Variants in LRRIQ4 observed in about 807,000 individuals in gnomAD.
LRRIQ4 encodes the protein leucine rich repeats and IQ motif containing 4, also known as leucine-rich repeat and IQ domain-containing protein 4.
In LRRIQ4, 21 loss-of-function variants were observed where a neutral mutation model predicts 40.1. The observed-to-expected ratio is 0.52, with a 90% CI of 0.37 to 0.75. The LOEUF is 0.75. Ranked by LOEUF, LRRIQ4 falls within the 30% of genes least tolerant of loss-of-function variation. The probability of loss-of-function intolerance (pLI) is 0.00; values close to 1 mark genes in which losing one functional copy is unlikely to be tolerated. For synonymous variants in LRRIQ4, 277 were observed against 277.1 expected, an observed-to-expected ratio of 1.00 and a Z score of 0.00; for missense variants, 655 against 660.0, an observed-to-expected ratio of 0.99 and a Z score of 0.08.
At chr3:169,836,832 C>G (rs1489791650) in intron 5 of LRRIQ4, among the ~76,000 whole-genome samples, 2 of 152,068 alleles carry the variant, frequency 1.3e-5, no homozygotes, top group Non-Finnish European at 2.9e-5. Flanking sequence ...GGAGGAGGCC[C>G]GCATGGCTGG....
At chr3:169,835,881 G>A (rs1456886956) in intron 5 of LRRIQ4, among the ~76,000 whole-genome samples, 1 of 152,142 alleles carries the variant, frequency 6.6e-6, no homozygotes, top group Non-Finnish European at 1.5e-5. Flanking sequence ...CCCCAGATAT[G>A]AGCAAGATTC....
intron 1 of LRRIQ4, among the ~76,000 whole-genome samples, chr3:169,813,948 C>G (rs776880173): frequency 1.3e-5 from 2 of 152,086 alleles, no homozygotes; most frequent in Admixed American, 6.5e-5. Flanking sequence ...CTCACCGCAG[C>G]GTCTAGGGGT....
At chr3:169,827,697 G>A (rs1321808764) in intron 2 of LRRIQ4, among the ~76,000 whole-genome samples, 3 of 151,784 alleles carry the variant, frequency 2.0e-5, no homozygotes, top group African/African-American at 7.3e-5. Context: ...TAATGGTGAA[G>A]CTGATTTTGG....
chr3:169,814,332 C>T (rs1002075731), intron 1 of LRRIQ4, among the ~76,000 whole-genome samples: 4 of 152,170 alleles, frequency 2.6e-5, no homozygotes, highest in African/African-American at 4.8e-5. Flanking sequence ...TGCTGCTTGT[C>T]GGTGACCTGG....
chr3:169,837,564 C>T lies in LRRIQ4; in HGVS notation c.1616C>T (p.Thr539Ile). 1 of 1,602,246 alleles carries T rather than the reference C, an allele frequency of 6.2e-7. No homozygotes were observed. The highest frequency in any genetic ancestry group is 8.5e-7 in the Non-Finnish European group (1 of 1,174,540). The change falls in exon 6 of 6, where the codon ACC becomes ATC. Residue 539 changes from threonine (T) to isoleucine (I), a missense_variant. By Grantham distance (89) the Thr-to-Ile change is moderately conservative (BLOSUM62 -1). Coordinates refer to ENST00000340806, the MANE Select transcript of LRRIQ4 (RefSeq NM_001080460.3). Reference sequence around the variant, plus strand: ...CTAAAACCACAAAAGAAAGGAAAGACCTCTCCAAAAGATAAGAAAGGAAAG... The same window carrying T: ...CTAAAACCACAAAAGAAAGGAAAGATCTCTCCAAAAGATAAGAAAGGAAAG... Reference protein sequence around the residue: ...ELLKPQKKGKTSPKDKKGKKD... With the variant: ...ELLKPQKKGKISPKDKKGKKD...
At position 169,823,704 on chromosome 3, in the gene LRRIQ4, G is replaced by A. The variant is rs375327104; in HGVS notation, c.1020+763G>A. On this transcript the variant is annotated intron_variant, in intron 2 of 5. Coordinates refer to ENST00000340806, the MANE Select transcript of LRRIQ4 (RefSeq NM_001080460.3). ...GACAGAGTTTCCGTTAACAGCAGATGTTTCTAATACACAACAGCCTTAGAA... is the reference window on the plus strand; with the variant it reads ...GACAGAGTTTCCGTTAACAGCAGATATTTCTAATACACAACAGCCTTAGAA... Among the ~76,000 whole-genome samples the A allele has an allele frequency of 5.3e-5, 8 of 152,294 alleles. No homozygotes were observed. In the East Asian group the frequency reaches 1.2e-3, roughly 22 times the overall value.
At position 169,822,915 on chromosome 3, in the gene LRRIQ4, G is replaced by T. The variant is rs1779947361; in HGVS notation, c.994G>T (p.Gly332Ter). ...TGCACTGAAGAACCTTGAAGTCCTGGGACTGGATGACAATAAAATAGGACA... is the reference window on the plus strand; with the variant it reads ...TGCACTGAAGAACCTTGAAGTCCTGTGACTGGATGACAATAAAATAGGACA... ...ICALKNLEVL[G>*]LDDNKIGQLP... The change falls in exon 2 of 6, where the codon GGA becomes TGA. Residue 332 changes from glycine to a stop codon, truncating the protein, a stop_gained. Coordinates refer to ENST00000340806, the MANE Select transcript of LRRIQ4 (RefSeq NM_001080460.3). LOFTEE classifies it high-confidence loss of function. 1 of 1,547,186 alleles carries T rather than the reference G, an allele frequency of 6.5e-7. No homozygotes were observed. Among genetic ancestry groups the T allele is most frequent in the African/African-American group, 1.4e-5 (1 of 72,502 alleles).
In LRRIQ4 at chr3:169,822,305, C is replaced by T. The variant is rs1217636845; in HGVS notation, c.384C>T (p.Thr128=). ...TGCGCGAGCTCCGGCTCTACCAGAC[C>T]GACCTGAAGGAAATTCCCGTCGTCA... is the stretch of plus-strand genomic sequence containing the variant. ...HALRELRLYQ[T]DLKEIPVVIF... The change falls in exon 2 of 6, where the codon ACC becomes ACT. Residue 128 remains threonine (T), a synonymous_variant. Coordinates refer to ENST00000340806, the MANE Select transcript of LRRIQ4 (RefSeq NM_001080460.3). 5.0e-6 allele frequency: 8 copies of T among 1,613,900 alleles called. No individual in the cohort carries two copies. In the South Asian group the frequency reaches 5.5e-5, roughly 11 times the overall value.
chr3:169,830,383 A>G (rs1409960445), intron 3 of LRRIQ4, 109 bp from the exon 4 acceptor site: 1 of 277,100 alleles, frequency 3.6e-6, no homozygotes, highest in Non-Finnish European at 5.4e-6. Flanking sequence ...AAGTGAAAAA[A>G]AAAAAAAAAA....
rs551262892 is a variant in LRRIQ4 at position 169,825,228 on chromosome 3, A to C, written c.1020+2287A>C. Among the ~76,000 whole-genome samples, 5 of 152,180 alleles carry C rather than the reference A, an allele frequency of 3.3e-5. No individual in the cohort carries two copies. The East Asian group carries it at 9.7e-4, about 29-fold the overall frequency. On this transcript the variant is annotated intron_variant, in intron 2 of 5. Coordinates refer to ENST00000340806, the MANE Select transcript of LRRIQ4 (RefSeq NM_001080460.3). ...TCACCATATTGGCCAGGCTGGTCTC[A>C]AACTCCTGACCTCATGATCTGCCCA...
rs545123014 is a variant in LRRIQ4, at chr3:169,821,475, T to TA, written c.-31-415dup. Among the ~76,000 whole-genome samples, 903 of 137,474 alleles carry TA rather than the reference T, an allele frequency of 6.6e-3. 10 individuals carry two copies. Among genetic ancestry groups the TA allele is most frequent in the Middle Eastern group, 0.025 (7 of 280 alleles). 90.2% of individuals were successfully genotyped at this position (137,474 alleles called of 152,430 possible). ...GGTGAAACCCCGTCTCTACTAAAAT[T>TA]ACAAAAAAATTTAGCTGGGCATGGT... On this transcript the variant is annotated intron_variant, in intron 1 of 5. Transcript: ENST00000340806.
chr3:169,828,436 G>T (rs939366922), intron 2 of LRRIQ4, among the ~76,000 whole-genome samples: 1 of 152,204 alleles, frequency 6.6e-6, no homozygotes, highest in African/African-American at 2.4e-5. Context: ...GTTTCGCCAT[G>T]TTGGCCAGGC....
intron 3 of LRRIQ4, 39 bp downstream of exon 3, chr3:169,828,971 CACTGCCTCTTAAA>C: frequency 6.4e-7 from 1 of 1,550,436 alleles, no homozygotes; most frequent in African/African-American, 1.4e-5. Context: ...AAGCACCTGT[CACTGCCTCTTAAA>C]TTGGCTGAAA....
chr3:169,823,291 C>T (rs984795114), intron 2 of LRRIQ4, among the ~76,000 whole-genome samples: 10 of 151,632 alleles, frequency 6.6e-5, no homozygotes, highest in African/African-American at 2.4e-4. Flanking sequence ...CCTGTAAGTG[C>T]TGCAGCCGCG....
chr3:169,832,265 C>T (rs1026064077), intron 4 of LRRIQ4, among the ~76,000 whole-genome samples: 2 of 151,788 alleles, frequency 1.3e-5, no homozygotes, highest in African/African-American at 2.4e-5. Flanking sequence ...GTCAGGAGTT[C>T]GAAACCAGCC....
intron 4 of LRRIQ4, among the ~76,000 whole-genome samples, chr3:169,832,491 G>A (rs1428884071): frequency 1.3e-5 from 2 of 150,942 alleles, no homozygotes; most frequent in Admixed American, 1.3e-4. Flanking sequence ...AAATAGCCAA[G>A]TGTGGTGGCG....
chr3:169,824,682 T>C (rs941712299), intron 2 of LRRIQ4, among the ~76,000 whole-genome samples: 8 of 151,876 alleles, frequency 5.3e-5, no homozygotes, highest in Non-Finnish European at 1.2e-4. Flanking sequence ...CCGGCTAATT[T>C]TTGTATTTTT....
intron 4 of LRRIQ4, 31 bp downstream of exon 4, chr3:169,830,661 C>G: frequency 1.2e-6 from 2 of 1,613,258 alleles, no homozygotes; most frequent in African/African-American, 1.3e-5. Flanking sequence ...CACAGCCTAG[C>G]AGAGTTTGTG....
chr3:169,831,617 C>A (rs1553922940), intron 4 of LRRIQ4, among the ~76,000 whole-genome samples: 1 of 149,098 alleles, frequency 6.7e-6, no homozygotes, highest in Non-Finnish European at 1.5e-5. Flanking sequence ...TATAGTTATT[C>A]TTTAATGAAA....
Sources: gnomAD v4.1 joint callset for allele counts (sites outside exome capture counted in the v4.1 genomes callset) on GRCh38, gnomAD v4.1.1 for gene constraint, MANE v1.5 for transcripts, NCBI Gene and HGNC (gene_info 2026-07-23, HGNC 2026-07-21) for gene names.